CELSR1: variants seen among roughly 807,000 people sequenced by gnomAD.
CELSR1 encodes cadherin EGF LAG seven-pass G-type receptor 1.
CELSR1 carries 110 observed loss-of-function variants against 249.1 expected under a neutral mutation model. The observed-to-expected ratio is 0.44, with a 90% CI of 0.38 to 0.52. The LOEUF (loss-of-function observed/expected upper bound fraction) is 0.52. CELSR1 is among the 20% of genes least tolerant of loss of function. The pLI is 0.00. For synonymous variants in CELSR1, 2,113 were observed against 1,900.0 expected, an observed-to-expected ratio of 1.11 and a Z score of -2.92; for missense variants, 4,109 against 4,296.4, an observed-to-expected ratio of 0.96 and a Z score of 1.22.
At chr22:46,511,045 C>T (rs6008882) in intron 1 of CELSR1, among the ~76,000 whole-genome samples, 88,510 of 151,866 alleles carry the variant, frequency 0.58, 27,495 homozygotes, top group East Asian at 0.77. Flanking sequence ...ACCCAGGAGG[C>T]GGAGGTTGCA....
At position 46,439,571 on chromosome 22, in the gene CELSR1, CCT is replaced by C. The variant is rs145143409; in HGVS notation, c.4184-162_4184-161del. 3.9e-5 allele frequency among the ~76,000 whole-genome samples: 6 copies of C among 152,274 alleles called. No homozygotes were observed. In the East Asian group the frequency reaches 9.7e-4, roughly 25 times the overall value. Reference sequence around the variant, plus strand: ...CAGGTCTGTGACATGAACAGAAACCCCTGAGTTCTCAAGGACTTGCCCAGAGC... The same window carrying C: ...CAGGTCTGTGACATGAACAGAAACCCGAGTTCTCAAGGACTTGCCCAGAGC... On this transcript the variant is annotated intron_variant, in intron 2 of 34. Transcript: ENST00000674500.
rs2080607917 is a variant in CELSR1, at chr22:46,514,608, C to T, written c.3544+19019G>A. 3.9e-5 allele frequency among the ~76,000 whole-genome samples: 6 copies of T among 152,162 alleles called. 1 individual carries two copies. The South Asian group carries it at 1.2e-3, about 32-fold the overall frequency. On this transcript the variant is annotated intron_variant, in intron 1 of 34. Coordinates refer to ENST00000674500, the MANE Select transcript of CELSR1 (RefSeq NM_001378328.1). ...CTGAAAGTCAGGGATAATGCAATGGCCCCTCTCAGCACCTCCCCAGACCTC... is the reference window on the plus strand; with the variant it reads ...CTGAAAGTCAGGGATAATGCAATGGTCCCTCTCAGCACCTCCCCAGACCTC...
chr22:46,519,508 C>T (rs2080663073), intron 1 of CELSR1, among the ~76,000 whole-genome samples: 1 of 152,244 alleles, frequency 6.6e-6, no homozygotes, highest in Non-Finnish European at 1.5e-5. Flanking sequence ...GAGCAGCGGT[C>T]TCAGCCGCCC....
rs2079222788 is a variant in CELSR1, at chr22:46,402,847, T to C, written c.5227-2945A>G. ...AACCTAAGATGCTCATATTTAAAGA[T>C]AACTTCAAAAAATAGCCTAGATTTT... On this transcript the variant is annotated intron_variant, in intron 9 of 34. Coordinates refer to ENST00000674500, the MANE Select transcript of CELSR1 (RefSeq NM_001378328.1). This position sits in a 1 kb window ranked among gnomAD's most constrained non-coding sequence, Gnocchi z 5.0. Among the ~76,000 whole-genome samples, 1 of 152,128 alleles carries C rather than the reference T, an allele frequency of 6.6e-6. No homozygotes were observed. The highest frequency in any genetic ancestry group is 1.5e-5 in the Non-Finnish European group (1 of 68,016).
chr22:46,377,497 C>T, intron 23 of CELSR1: 2 of 561,474 alleles, frequency 3.6e-6, no homozygotes, highest in Non-Finnish European at 6.4e-6. Flanking sequence ...ACGCCAGGCT[C>T]CCTCCACTGG....
In CELSR1 at chr22:46,397,691, C is replaced by T; in HGVS notation, c.5684G>A (p.Ser1895Asn). 6.5e-7 allele frequency: 1 copy of T among 1,546,970 alleles called. No individual in the cohort carries two copies. Among genetic ancestry groups the T allele is most frequent in the Non-Finnish European group, 8.8e-7 (1 of 1,142,690 alleles). ...GGTCCCACCTTTGTCACAGACGCAG[C>T]TGTAGTCCTCCCAGGCGTCGTGGCA... ...SRCHDAWEDY[S>N]CVCDKGYLGI... The change falls in exon 12 of 35, where the codon AGC (serine) becomes AAC (asparagine). Residue 1895 changes from serine to asparagine, a missense_variant. By Grantham distance (46) the Ser-to-Asn change is conservative. Around this residue, in one of 7 missense-constraint regions of CELSR1, gnomAD observed 1,805 missense variants for 1,831.6 expected, o/e 0.99. Coordinates refer to ENST00000674500, the MANE Select transcript of CELSR1 (RefSeq NM_001378328.1).
Position 46,395,369 on chromosome 22 carries a change from T to C in CELSR1, c.5844-1107A>G, listed in dbSNP as rs1377051650. Among the ~76,000 whole-genome samples the C allele has an allele frequency of 3.9e-5, 6 of 152,072 alleles. No individual in the cohort carries two copies. Among genetic ancestry groups the C allele is most frequent in the Admixed American group, 2.0e-4 (3 of 15,256 alleles). Reference sequence around the variant, plus strand: ...ACGGCCTCCACACAGCCGAATTCTGTTCCTGGCTTGCGGGCCCACCTCTGT... The same window carrying C: ...ACGGCCTCCACACAGCCGAATTCTGCTCCTGGCTTGCGGGCCCACCTCTGT... On this transcript the variant is annotated intron_variant, in intron 13 of 34. Transcript: ENST00000674500. The surrounding 1 kb of genome is among the most constrained non-coding windows in gnomAD (Gnocchi z 5.5).
chr22:46,381,090 C>T lies in CELSR1; in HGVS notation c.7089-135G>A. ...AGAATCACACTCCGAGAGCTCGGAC[C>T]CACGGACCCCACAGTATCTTCATCC... On this transcript the variant is annotated intron_variant, in intron 21 of 34. Transcript: ENST00000674500. The surrounding 1 kb of genome is among the most constrained non-coding windows in gnomAD (Gnocchi z 6.0). The T allele has an allele frequency of 2.3e-6, 2 of 851,712 alleles. No individual in the cohort carries two copies. The highest frequency in any genetic ancestry group is 5.1e-5 in the Admixed American group (2 of 39,224). 52.8% of individuals were successfully genotyped at this position (851,712 alleles called of 1,614,324 possible).
intron 5 of CELSR1, among the ~76,000 whole-genome samples, chr22:46,421,844 A>G (rs752083650): frequency 3.9e-5 from 6 of 152,246 alleles, no homozygotes; most frequent in Non-Finnish European, 8.8e-5. Context: ...GGGCTGGAGA[A>G]GCCAGGGAAG....
chr22:46,428,091 T>A lies in CELSR1; in HGVS notation c.4611+5302A>T, dbSNP rs1602121589. ...GCAGGACCTAGCGGTCATCTCAAGG[T>A]CATGGAAATCTCAAAGCACTTACAT... On this transcript the variant is annotated intron_variant, in intron 5 of 34. Coordinates refer to ENST00000674500, the MANE Select transcript of CELSR1 (RefSeq NM_001378328.1). The surrounding 1 kb of genome is among the most constrained non-coding windows in gnomAD (Gnocchi z 5.7). 1.3e-5 allele frequency among the ~76,000 whole-genome samples: 2 copies of A among 152,068 alleles called. No homozygotes were observed. The highest frequency in any genetic ancestry group is 4.8e-5 in the African/African-American group (2 of 41,396).
Position 46,378,579 on chromosome 22 carries a change from G to A in CELSR1, c.7383+12C>T. 1 of 1,556,272 alleles carries A rather than the reference G, an allele frequency of 6.4e-7. No individual in the cohort carries two copies. On this transcript the variant is annotated intron_variant, in intron 23 of 34. Transcript: ENST00000674500. Reference sequence around the variant, plus strand: ...GGCCCAGAGGGCACAGTGGCCACGGGAGGATGCCCACCTCACGCCTGGAGA... The same window carrying A: ...GGCCCAGAGGGCACAGTGGCCACGGAAGGATGCCCACCTCACGCCTGGAGA...
In CELSR1 at chr22:46,526,803, C is replaced by T. The variant is rs1305114638; in HGVS notation, c.3544+6824G>A. Among the ~76,000 whole-genome samples the T allele has an allele frequency of 3.3e-5, 5 of 152,200 alleles. No homozygotes were observed. Among genetic ancestry groups the T allele is most frequent in the African/African-American group, 1.2e-4 (5 of 41,454 alleles). On this transcript the variant is annotated intron_variant, in intron 1 of 34. Coordinates refer to ENST00000674500, the MANE Select transcript of CELSR1 (RefSeq NM_001378328.1). The surrounding 1 kb of genome is among the most constrained non-coding windows in gnomAD (Gnocchi z 4.7). ...ACTGCCAGCACCCTCACTTCTGTGTCCATAACCTGAGCTGGTCTCCCCAGT... is the reference window on the plus strand; with the variant it reads ...ACTGCCAGCACCCTCACTTCTGTGTTCATAACCTGAGCTGGTCTCCCCAGT...
chr22:46,363,339 C>T lies in CELSR1; in HGVS notation c.9036-92G>A, dbSNP rs2078727157. On this transcript the variant is annotated intron_variant, in intron 34 of 34. Coordinates refer to ENST00000674500, the MANE Select transcript of CELSR1 (RefSeq NM_001378328.1). This position sits in a 1 kb window ranked among gnomAD's most constrained non-coding sequence, Gnocchi z 4.3. ...AGGTTGTCACACGGGGGGGCAGGAT[C>T]ACCCCATCAGGGTAGAGGGGGCGTC... 6 of 1,130,202 alleles carry T rather than the reference C, an allele frequency of 5.3e-6. No homozygotes were observed. Among genetic ancestry groups the T allele is most frequent in the Non-Finnish European group, 7.8e-6 (6 of 772,230 alleles). 70.0% of individuals were successfully genotyped at this position (1,130,202 alleles called of 1,614,324 possible). A position where few individuals can be genotyped will look rare whatever the true frequency, so the allele number is the denominator to read the frequency against.
intron 1 of CELSR1, among the ~76,000 whole-genome samples, chr22:46,503,221 C>G (rs1308733176): frequency 4.6e-5 from 7 of 152,196 alleles, no homozygotes; most frequent in Non-Finnish European, 8.8e-5. Context: ...AGGCCAGCCC[C>G]CAGCAATCCA....
rs1330327322 is a variant in CELSR1, at chr22:46,454,999, C to T, written c.4183+8708G>A. Among the ~76,000 whole-genome samples the T allele has an allele frequency of 1.3e-5, 2 of 152,182 alleles. No individual in the cohort carries two copies. The highest frequency in any genetic ancestry group is 4.8e-5 in the African/African-American group (2 of 41,436). ...TGGGTCCTAATCCAGTGACCGGTGT[C>T]CTTACAATGAGATGGAAACCTGGAC... On this transcript the variant is annotated intron_variant, in intron 2 of 34. Coordinates refer to ENST00000674500, the MANE Select transcript of CELSR1 (RefSeq NM_001378328.1). The surrounding 1 kb of genome is among the most constrained non-coding windows in gnomAD (Gnocchi z 5.1).
Position 46,472,854 on chromosome 22 carries a change from C to T in CELSR1, c.3545-8509G>A, listed in dbSNP as rs1339805572. On this transcript the variant is annotated intron_variant, in intron 1 of 34. Coordinates refer to ENST00000674500, the MANE Select transcript of CELSR1 (RefSeq NM_001378328.1). This position sits in a 1 kb window ranked among gnomAD's most constrained non-coding sequence, Gnocchi z 7.0. ...TGCACCCCTCTGGCCTCTGCCTCTG[C>T]GCCAAGTGGCTATGGCTCTCCCTGT... is the stretch of plus-strand genomic sequence containing the variant. Among the ~76,000 whole-genome samples, 8 of 152,264 alleles carry T rather than the reference C, an allele frequency of 5.3e-5. No homozygotes were observed. Among genetic ancestry groups the T allele is most frequent in the Middle Eastern group, 3.4e-3 (1 of 294 alleles).
intron 1 of CELSR1, among the ~76,000 whole-genome samples, chr22:46,511,572 G>C (rs1453329568): frequency 6.6e-6 from 1 of 152,208 alleles, no homozygotes; most frequent in East Asian, 1.9e-4. Context: ...TTCGGGCCAG[G>C]CACCCAAAGC....
rs769711612 is a variant in CELSR1, at chr22:46,413,533, T to C, written c.4612-1774A>G. Among the ~76,000 whole-genome samples the C allele has an allele frequency of 8.5e-5, 13 of 152,228 alleles. No individual in the cohort carries two copies. Among genetic ancestry groups the C allele is most frequent in the Non-Finnish European group, 1.8e-4 (12 of 68,042 alleles). The stretch of plus-strand genomic sequence containing the variant: ...CACGTCCTCTCTGTGTTACAGGGAA[T>C]TGAGGATGATATCAACAGAGATACG... On this transcript the variant is annotated intron_variant, in intron 5 of 34. Transcript: ENST00000674500. The surrounding 1 kb of genome is among the most constrained non-coding windows in gnomAD (Gnocchi z 4.7).
rs1208906753 is a variant in CELSR1 at position 46,490,458 on chromosome 22, T to C, written c.3545-26113A>G. Among the ~76,000 whole-genome samples, 1 of 152,002 alleles carries C rather than the reference T, an allele frequency of 6.6e-6. No homozygotes were observed. Among genetic ancestry groups the C allele is most frequent in the Non-Finnish European group, 1.5e-5 (1 of 68,004 alleles). Reference sequence around the variant, plus strand: ...CCCACCATCTCGTCTGGCTAATTTTTGTATTTTTAGTAGAGACGGGGTTTC... The same window carrying C: ...CCCACCATCTCGTCTGGCTAATTTTCGTATTTTTAGTAGAGACGGGGTTTC... On this transcript the variant is annotated intron_variant, in intron 1 of 34. Transcript: ENST00000674500. This position sits in a 1 kb window ranked among gnomAD's most constrained non-coding sequence, Gnocchi z 5.2.
Sources: allele counts gnomAD v4.1 joint callset (sites outside exome capture counted in the v4.1 genomes callset), GRCh38; gene constraint gnomAD v4.1.1; regional missense constraint gnomAD v4.1.1; non-coding constraint Gnocchi (gnomAD v3.1); transcripts MANE v1.5; gene names NCBI Gene and HGNC (gene_info 2026-07-23, HGNC 2026-07-21).